DNAAF1: variants seen among roughly 807,000 people sequenced by gnomAD.
DNAAF1 encodes the protein dynein axonemal assembly factor 1, also known as dynein assembly factor 1, axonemal.
Under a neutral mutation model 71.1 loss-of-function variants are expected in DNAAF1, and 65 were observed. The observed-to-expected ratio is 0.91, with a 90% confidence interval of 0.75 to 1.12. DNAAF1 has a LOEUF of 1.12. Among genes scored for constraint, DNAAF1 ranks in the 50% most tolerant of loss-of-function variants. DNAAF1 has a pLI of 0.00. For missense variants in DNAAF1, 1,178 were observed against 899.8 expected (o/e 1.31, Z -3.96); for synonymous variants, 414 against 354.6 (o/e 1.17, Z -1.88).
chr16:84,159,744 C>A lies in DNAAF1; in HGVS notation c.811C>A (p.Arg271=). The change falls in exon 6 of 12, where the codon CGA becomes AGA. Residue 271 remains arginine, a synonymous_variant. Transcript: ENST00000378553. ...IPNYRRTVTV[R]LKHLTYLDDR... is the part of the protein sequence containing the mutation. ...TAATTACAGAAGGACAGTCACTGTA[C>A]GACTAAAGCACTTAACATACCTGGA... 6.2e-7 allele frequency: 1 copy of A among 1,613,818 alleles called. No homozygotes were observed. Among genetic ancestry groups the A allele is most frequent in the Non-Finnish European group, 8.5e-7 (1 of 1,179,854 alleles).
intron 8 of DNAAF1, among the ~76,000 whole-genome samples, chr16:84,171,370 A>AG (rs1283811520): frequency 6.6e-6 from 1 of 152,052 alleles, no homozygotes; most frequent in Non-Finnish European, 1.5e-5. Flanking sequence ...TGGGAGGGGA[A>AG]GGGGATGGGA....
At chr16:84,151,536 A>T (rs1418386080) in intron 3 of DNAAF1, among the ~76,000 whole-genome samples, 1 of 152,202 alleles carries the variant, frequency 6.6e-6, no homozygotes, top group Non-Finnish European at 1.5e-5. Flanking sequence ...AGTAAGTTTG[A>T]CTGAGTAGAG....
At position 84,170,286 on chromosome 16, in the gene DNAAF1, A is replaced by C. The variant is rs761062989; in HGVS notation, c.1458A>C (p.Gly486=). The C allele has an allele frequency of 2.5e-6, 4 of 1,609,454 alleles. No individual in the cohort carries two copies. The Admixed American group carries it at 5.1e-5, about 20-fold the overall frequency. ...CTGTGAAGGTTAAAGGAGAGGATGGAGATCGAGAGCCAGAGGGGACCCTCC... is the reference window on the plus strand; with the variant it reads ...CTGTGAAGGTTAAAGGAGAGGATGGCGATCGAGAGCCAGAGGGGACCCTCC... ...SPPVKVKGED[G]DREPEGTLPA... is the part of the protein sequence containing the mutation. The change falls in exon 8 of 12, where the codon GGA becomes GGC. Residue 486 remains glycine (G), a synonymous_variant. Coordinates refer to ENST00000378553, the MANE Select transcript of DNAAF1 (RefSeq NM_178452.6).
intron 6 of DNAAF1, among the ~76,000 whole-genome samples, chr16:84,162,879 C>T (rs1165994304): frequency 2.0e-5 from 3 of 151,964 alleles, no homozygotes; most frequent in Non-Finnish European, 4.4e-5. Context: ...TTCTCGCTCC[C>T]TGAAGGCCCT....
intron 6 of DNAAF1, among the ~76,000 whole-genome samples, chr16:84,160,742 G>A (rs2087663051): frequency 6.6e-6 from 1 of 151,560 alleles, no homozygotes; most frequent in Admixed American, 6.6e-5. Context: ...AGACCACCCT[G>A]GCTAACACGG....
intron 10 of DNAAF1, chr16:84,175,732 G>A (rs1433318407): frequency 4.8e-6 from 3 of 624,542 alleles, no homozygotes; most frequent in African/African-American, 1.8e-5. Context: ...GCAGAGAGAA[G>A]GGCATAGACA....
rs932149217 is a variant in DNAAF1 at position 84,145,547 on chromosome 16, G to T, written c.107G>T (p.Arg36Leu). Residue 36 changes from arginine (R) to leucine (L), a missense_variant, in exon 1 of 12, where the codon CGA (arginine) becomes CTA (leucine). Arg to Leu is a moderately radical substitution (Grantham distance 102). Coordinates refer to ENST00000378553, the MANE Select transcript of DNAAF1 (RefSeq NM_178452.6). ...GCGGGTGACCACGGGAGCGCAGGCC[G>T]AGGGGGCTGCAAGGAAGGTGCCGAC... ...ESAGDHGSAG[R>L]GGCKEEINDP... 11 of 1,549,534 alleles carry T rather than the reference G, an allele frequency of 7.1e-6. No homozygotes were observed. The highest frequency in any genetic ancestry group is 9.6e-6 in the Non-Finnish European group (11 of 1,147,234).
intron 9 of DNAAF1, chr16:84,172,632 A>G: frequency 7.5e-7 from 1 of 1,327,018 alleles, no homozygotes; most frequent in Non-Finnish European, 9.7e-7. Context: ...CCTGACCCAA[A>G]TCGCTACCCT....
At chr16:84,161,317 T>C (rs940150607) in intron 6 of DNAAF1, among the ~76,000 whole-genome samples, 1 of 152,140 alleles carries the variant, frequency 6.6e-6, no homozygotes, top group African/African-American at 2.4e-5. Context: ...GTAACATGGA[T>C]GTTAGCAATA....
chr16:84,172,763 T>C (rs933824983), intron 9 of DNAAF1: 1 of 1,141,492 alleles, frequency 8.8e-7, no homozygotes, highest in Non-Finnish European at 1.1e-6. Flanking sequence ...TCAGTTACAT[T>C]GTATCTTTAT....
rs779215626 is a variant in DNAAF1, at chr16:84,159,186, C to T, written c.742-489C>T. On this transcript the variant is annotated intron_variant, in intron 5 of 11. Coordinates refer to ENST00000378553, the MANE Select transcript of DNAAF1 (RefSeq NM_178452.6). ...GAGCTGTAAGCCGAGGAAGAAGGGCCGTCCATCCTGCGGCACTCAGCAGAG... is the reference window on the plus strand; with the variant it reads ...GAGCTGTAAGCCGAGGAAGAAGGGCTGTCCATCCTGCGGCACTCAGCAGAG... The T allele has an allele frequency of 1.4e-4, 142 of 1,001,084 alleles. 1 individual carries two copies. In the Admixed American group the frequency reaches 4.0e-3, roughly 28 times the overall value. 62.0% of individuals were successfully genotyped at this position (1,001,084 alleles called of 1,614,324 possible).
At chr16:84,162,683 G>A (rs2087769937) in intron 6 of DNAAF1, among the ~76,000 whole-genome samples, 1 of 152,064 alleles carries the variant, frequency 6.6e-6, no homozygotes, top group Non-Finnish European at 1.5e-5. Flanking sequence ...GCTGGGTGTG[G>A]TGGCGGGCGC....
intron 11 of DNAAF1, 149 bp from the exon 12 acceptor site, chr16:84,177,580 C>T (rs766358841): frequency 1.6e-5 from 11 of 702,604 alleles, no homozygotes; most frequent in African/African-American, 8.7e-5. Context: ...CTGTTTGCCT[C>T]GGCCTCCCAA....
Position 84,154,720 on chromosome 16 carries a change from A to G in DNAAF1, c.496A>G (p.Ile166Val). The G allele has an allele frequency of 6.2e-7, 1 of 1,614,158 alleles. No homozygotes were observed. The highest frequency in any genetic ancestry group is 8.5e-7 in the Non-Finnish European group (1 of 1,180,028). The change falls in exon 4 of 12, where the codon ATT becomes GTT. Residue 166 changes from isoleucine (I) to valine (V), a missense_variant. By Grantham distance (29) the Ile-to-Val change is conservative. Transcript: ENST00000378553. The stretch of plus-strand genomic sequence containing the variant: ...CTTGCAAATGAACTTGCTCCGTAAA[A>G]TTGAGAACCTGGAACCTCTGCAGAA... The part of the protein sequence containing the change: ...LFLQMNLLRK[I>V]ENLEPLQKLD...
At chr16:84,177,393 C>T (rs966949860) in intron 11 of DNAAF1, 3 of 360,716 alleles carry the variant, frequency 8.3e-6, no homozygotes, top group South Asian at 2.2e-5. Flanking sequence ...CTCCTGCCTC[C>T]GCCTCTGAAG....
At chr16:84,174,787 C>G (rs772878634) in intron 10 of DNAAF1, 65 bp downstream of exon 10, 7 of 1,593,548 alleles carry the variant, frequency 4.4e-6, no homozygotes, top group Non-Finnish European at 6.0e-6. Context: ...TTGTCGTTTA[C>G]CGTTTCTCTC....
chr16:84,163,891 GCT>G (rs2087842306), intron 6 of DNAAF1, among the ~76,000 whole-genome samples: 2 of 144,076 alleles, frequency 1.4e-5, no homozygotes, highest in African/African-American at 5.2e-5. Context: ...ACAGCGTTTT[GCT>G]CTGTCACCAA....
At position 84,176,212 on chromosome 16, in the gene DNAAF1, C is replaced by A. The variant is rs760230858; in HGVS notation, c.1978C>A (p.Leu660Met). ...CGACGAGGACCCCTCTGGCCAGCTACTGATGCCCCCCACCTGCCAAAGAGA... is the reference window on the plus strand; with the variant it reads ...CGACGAGGACCCCTCTGGCCAGCTAATGATGCCCCCCACCTGCCAAAGAGA... Reference protein sequence around the residue: ...LSDEDPSGQLLMPPTCQRDAA... With the variant: ...LSDEDPSGQLMMPPTCQRDAA... Residue 660 changes from leucine (L) to methionine (M), a missense_variant, in exon 11 of 12, where the codon CTG (leucine) becomes ATG (methionine). Coordinates refer to ENST00000378553, the MANE Select transcript of DNAAF1 (RefSeq NM_178452.6). 1 of 1,613,824 alleles carries A rather than the reference C, an allele frequency of 6.2e-7. No homozygotes were observed. The highest frequency in any genetic ancestry group is 8.5e-7 in the Non-Finnish European group (1 of 1,180,038).
intron 11 of DNAAF1, chr16:84,177,473 G>C (rs1259071623): frequency 4.9e-6 from 2 of 412,132 alleles, no homozygotes; most frequent in East Asian, 1.1e-4. Context: ...GTATTATAGG[G>C]GCCTGCCACC....
Sources: allele counts gnomAD v4.1 joint callset (sites outside exome capture counted in the v4.1 genomes callset), GRCh38; gene constraint gnomAD v4.1.1; transcripts MANE v1.5; gene names NCBI Gene and HGNC (gene_info 2026-07-23, HGNC 2026-07-21).